The following EYA1 variants were observed in gnomAD, a reference collection of about 807,000 sequenced individuals.
The protein encoded by EYA1 is protein phosphatase EYA1.
EYA1 carries 16 observed loss-of-function variants against 82.0 expected under a neutral mutation model. The ratio of observed to expected loss-of-function variants is 0.20; its 90% CI spans 0.13 to 0.30. EYA1 has a LOEUF of 0.30. Ranked by LOEUF, EYA1 falls within the 10% of genes least tolerant of loss-of-function variation. The pLI, the probability that EYA1 is intolerant of heterozygous loss-of-function variation, is 1.00. For synonymous variants in EYA1, 261 were observed against 264.4 expected (o/e 0.99, Z 0.12); for missense variants, 633 against 730.7 (o/e 0.87, Z 1.54).
At chr8:71,526,325 T>C (rs2129277108) in intron 2 of EYA1, among the ~76,000 whole-genome samples, 1 of 151,926 alleles carries the variant, frequency 6.6e-6, no homozygotes, top group South Asian at 2.1e-4. Flanking sequence ...ATTAATTATA[T>C]TCATGATCAA....
At chr8:71,459,599 G>T (rs1274069391) in intron 2 of EYA1, among the ~76,000 whole-genome samples, 1 of 151,368 alleles carries the variant, frequency 6.6e-6, no homozygotes, top group Non-Finnish European at 1.5e-5. Flanking sequence ...AGCATTATTT[G>T]CTACTTTTTC....
intron 9 of EYA1, among the ~76,000 whole-genome samples, chr8:71,294,141 G>T (rs528866557): frequency 2.7e-4 from 41 of 152,046 alleles, no homozygotes; most frequent in Non-Finnish European, 5.1e-4. Flanking sequence ...CTATATACCA[G>T]CAATGAGCAG....
intron 7 of EYA1, among the ~76,000 whole-genome samples, chr8:71,314,640 A>G (rs901620937): frequency 2.6e-5 from 4 of 152,178 alleles, no homozygotes; most frequent in Non-Finnish European, 5.9e-5. Context: ...AGTGCTCAAA[A>G]AGTTTTAAAT....
chr8:71,266,450 A>AG (rs1353686440), intron 11 of EYA1, among the ~76,000 whole-genome samples: 2 of 152,164 alleles, frequency 1.3e-5, no homozygotes, highest in African/African-American at 4.8e-5. Context: ...ATCAACTGTA[A>AG]TGATTTCTAA....
intron 2 of EYA1, among the ~76,000 whole-genome samples, chr8:71,519,431 T>C (rs2129267782): frequency 6.6e-6 from 1 of 152,222 alleles, no homozygotes; most frequent in Admixed American, 6.5e-5. Context: ...TTTTAAAATA[T>C]TAAGAAAATA....
At chr8:71,444,683 A>G (rs1806719269) in intron 2 of EYA1, among the ~76,000 whole-genome samples, 1 of 152,074 alleles carries the variant, frequency 6.6e-6, no homozygotes, top group South Asian at 2.1e-4. Context: ...GGTATCTGAT[A>G]TAACACCAAG....
At chr8:71,425,756 T>G (rs927543772) in intron 2 of EYA1, among the ~76,000 whole-genome samples, 15 of 152,176 alleles carry the variant, frequency 9.9e-5, no homozygotes, top group African/African-American at 3.6e-4. Context: ...ATTGGAATCA[T>G]GTCCCAGTAT....
chr8:71,412,788 C>T (rs117512364), intron 2 of EYA1, among the ~76,000 whole-genome samples: 5 of 152,308 alleles, frequency 3.3e-5, no homozygotes, highest in East Asian at 1.9e-4. Context: ...GGCATCTTTT[C>T]GAGTCATCAT....
At chr8:71,267,104 T>C (rs1487375994) in intron 11 of EYA1, among the ~76,000 whole-genome samples, 1 of 152,186 alleles carries the variant, frequency 6.6e-6, no homozygotes, top group Non-Finnish European at 1.5e-5. Flanking sequence ...TAAAGTAAAA[T>C]GTAAATCAGA....
intron 12 of EYA1, among the ~76,000 whole-genome samples, chr8:71,223,945 T>C (rs1446120596): frequency 6.6e-6 from 1 of 152,200 alleles, no homozygotes; most frequent in East Asian, 1.9e-4. Context: ...AAATACACCA[T>C]ACAATTCAAG....
chr8:71,318,379 C>T (rs1822159824), intron 6 of EYA1, among the ~76,000 whole-genome samples: 1 of 152,152 alleles, frequency 6.6e-6, no homozygotes, highest in African/African-American at 2.4e-5. Context: ...TTCCTTTTGT[C>T]CCTGTTAGTG....
intron 2 of EYA1, among the ~76,000 whole-genome samples, chr8:71,451,567 T>G (rs894107298): frequency 6.6e-6 from 1 of 152,224 alleles, no homozygotes; most frequent in Non-Finnish European, 1.5e-5. Context: ...TCAAATTTTC[T>G]TATTTATTAT....
intron 2 of EYA1, among the ~76,000 whole-genome samples, chr8:71,524,322 C>T (rs1263290022): frequency 6.6e-6 from 1 of 152,100 alleles, no homozygotes; most frequent in Non-Finnish European, 1.5e-5. Flanking sequence ...CCAGTGTGAG[C>T]ACTGAGAATG....
chr8:71,348,662 A>G, intron 3 of EYA1, among the ~76,000 whole-genome samples: 1 of 152,138 alleles, frequency 6.6e-6, no homozygotes, highest in East Asian at 1.9e-4. Flanking sequence ...CTGCCACCCT[A>G]CAAGGCTCAC....
At chr8:71,406,956 G>A (rs1394465974) in intron 2 of EYA1, among the ~76,000 whole-genome samples, 5 of 140,330 alleles carry the variant, frequency 3.6e-5, no homozygotes, top group Non-Finnish European at 6.4e-5. Flanking sequence ...AGTAACCTCT[G>A]CAGACTTAAA....
chr8:71,467,409 T>C (rs997088634), intron 2 of EYA1, among the ~76,000 whole-genome samples: 1 of 152,142 alleles, frequency 6.6e-6, no homozygotes, highest in Non-Finnish European at 1.5e-5. Flanking sequence ...GTGGTGTATT[T>C]TCTTCTAAGA....
At chr8:71,376,531 G>A (rs1828379503) in intron 2 of EYA1, among the ~76,000 whole-genome samples, 1 of 152,194 alleles carries the variant, frequency 6.6e-6, no homozygotes, top group African/African-American at 2.4e-5. Context: ...AGGCAAATTA[G>A]AGGGTTATTG....
Position 71,411,575 on chromosome 8 carries a change from T to C in EYA1, c.34-55064A>G, listed in dbSNP as rs528721469. On this transcript the variant is annotated intron_variant, in intron 2 of 18. Coordinates refer to the EYA1 transcript ENST00000643681. ...CCCATCAAAAAGTGGGCGAAGGACA[T>C]GAACAGACACTTCTCAAAAGAAGAC... Among the ~76,000 whole-genome samples, 15 of 151,224 alleles carry C rather than the reference T, an allele frequency of 9.9e-5. No homozygotes were observed. The East Asian group carries it at 2.7e-3, about 27-fold the overall frequency.
intron 12 of EYA1, among the ~76,000 whole-genome samples, chr8:71,230,569 G>C (rs1215332031): frequency 2.0e-5 from 3 of 152,214 alleles, no homozygotes; most frequent in African/African-American, 7.2e-5. Flanking sequence ...AGGGTTGACT[G>C]TGTGGAGGCC....
Sources: gnomAD v4.1 joint callset for allele counts (sites outside exome capture counted in the v4.1 genomes callset) on GRCh38, gnomAD v4.1.1 for gene constraint, MANE v1.5 for transcripts, NCBI Gene and HGNC (gene_info 2026-07-23, HGNC 2026-07-21) for gene names.